VAC14: variants seen among roughly 807,000 people sequenced by gnomAD.
VAC14 encodes protein VAC14 homolog.
Under a neutral mutation model 85.3 loss-of-function variants are expected in VAC14, and 47 were observed. The ratio of observed to expected loss-of-function variants is 0.55; its 90% CI spans 0.44 to 0.70. VAC14 has a LOEUF of 0.70. VAC14 is among the 30% of genes least tolerant of loss of function. VAC14 has a pLI of 0.00. For missense variants in VAC14, 861 were observed against 1,004.3 expected (o/e 0.86, Z 1.93); for synonymous variants, 447 against 430.5 (o/e 1.04, Z -0.47).
chr16:70,727,571 C>G (rs901994755), intron 14 of VAC14, among the ~76,000 whole-genome samples: 1 of 152,210 alleles, frequency 6.6e-6, no homozygotes, highest in Middle Eastern at 3.2e-3. Flanking sequence ...AACTCCTGAC[C>G]TCGTGATCCG....
At chr16:70,707,901 C>T (rs2142994612) in intron 14 of VAC14, among the ~76,000 whole-genome samples, 1 of 152,116 alleles carries the variant, frequency 6.6e-6, no homozygotes, top group East Asian at 1.9e-4. Flanking sequence ...AGTGATTCTC[C>T]TGCCTCAGCC....
intron 12 of VAC14, among the ~76,000 whole-genome samples, chr16:70,759,287 G>C (rs1597954227): frequency 2.0e-5 from 3 of 152,228 alleles, no homozygotes; most frequent in African/African-American, 7.2e-5. Context: ...AGATCAATAA[G>C]AAAAGTGGAC....
At position 70,692,935 on chromosome 16, in the gene VAC14, G is replaced by C. The variant is rs1445261478; in HGVS notation, c.2072C>G (p.Pro691Arg). ...RLQLLDVKNN[P>R]YLIKALYGLL... ...GCCGTAGAGGGCCTTGATCAGGTAG[G>C]GGTTGTTCTTCACGTCCAGCAGCTG... Residue 691 changes from proline (P) to arginine (R), a missense_variant, in exon 18 of 19, where the codon CCC (proline) becomes CGC (arginine). By Grantham distance (103) the Pro-to-Arg change is moderately radical. This residue lies in a region of VAC14 where 163 missense variants were observed against 162.2 expected (regional missense o/e 1.00). Transcript: ENST00000261776. The C allele has an allele frequency of 6.2e-7, 1 of 1,611,470 alleles. No homozygotes were observed. The highest frequency in any genetic ancestry group is 8.5e-7 in the Non-Finnish European group (1 of 1,179,576).
At position 70,696,805 on chromosome 16, in the gene VAC14, G is replaced by A. The variant is rs188253465; in HGVS notation, c.1955+334C>T. 332 of 293,906 alleles carry A rather than the reference G, an allele frequency of 1.1e-3. 2 individuals are homozygous for A. Among genetic ancestry groups the A allele is most frequent in the Middle Eastern group, 3.7e-3 (3 of 814 alleles). The allele number at this position is 293,906 out of a possible 1,614,324, so 18.2% of individuals were successfully genotyped here. A position where few individuals can be genotyped will look rare whatever the true frequency, so the allele number is the denominator to read the frequency against. On this transcript the variant is annotated intron_variant, in intron 16 of 18. Transcript: ENST00000261776. ...GGCAGCCACCTTCTCCCAGGGGCAG[G>A]AGCTGGGGTTCTCTCCCACCCCAGC...
intron 14 of VAC14, among the ~76,000 whole-genome samples, chr16:70,731,124 C>T (rs911168968): frequency 6.6e-6 from 1 of 152,340 alleles, no homozygotes; most frequent in Non-Finnish European, 1.5e-5. Context: ...GGCTAAATCC[C>T]GCACTGGGGG....
chr16:70,800,049 T>C (rs2034704330), intron 1 of VAC14, among the ~76,000 whole-genome samples: 2 of 152,200 alleles, frequency 1.3e-5, no homozygotes. Context: ...CTTTCCAATT[T>C]TCTGAAATCA....
chr16:70,787,097 C>T (rs1000897488), intron 1 of VAC14, among the ~76,000 whole-genome samples: 5 of 152,164 alleles, frequency 3.3e-5, no homozygotes, highest in South Asian at 2.1e-4. Context: ...AAAGATGAGC[C>T]GGTGAAAGTT....
chr16:70,785,256 T>C (rs566189691), intron 3 of VAC14, among the ~76,000 whole-genome samples: 1 of 152,308 alleles, frequency 6.6e-6, no homozygotes, highest in Admixed American at 6.5e-5. Context: ...GGCAGCAGCA[T>C]TGCAGGGCTG....
intron 14 of VAC14, among the ~76,000 whole-genome samples, 161 bp from the exon 15 acceptor site, chr16:70,698,972 C>T (rs866097016): frequency 1.6e-5 from 2 of 125,274 alleles, no homozygotes; most frequent in Admixed American, 1.7e-4. Context: ...TGTGGGAGGG[C>T]GGGGAAGGGT....
intron 1 of VAC14, among the ~76,000 whole-genome samples, chr16:70,789,876 T>C (rs1167384262): frequency 6.6e-6 from 1 of 151,466 alleles, no homozygotes; most frequent in Non-Finnish European, 1.5e-5. Flanking sequence ...ACACTAGGAG[T>C]GGGAGTGGGG....
At chr16:70,733,393 G>A (rs1030445291) in intron 13 of VAC14, among the ~76,000 whole-genome samples, 3 of 151,696 alleles carry the variant, frequency 2.0e-5, no homozygotes, top group Non-Finnish European at 2.9e-5. Context: ...TCATCAGCTG[G>A]TATTTTCTCC....
chr16:70,704,013 G>T (rs1246697551), intron 14 of VAC14, among the ~76,000 whole-genome samples: 2 of 152,204 alleles, frequency 1.3e-5, no homozygotes, highest in Non-Finnish European at 2.9e-5. Flanking sequence ...GGGCTGGTGT[G>T]AGCCTTCGTG....
At chr16:70,734,275 A>T (rs1378499389) in intron 13 of VAC14, among the ~76,000 whole-genome samples, 2 of 152,128 alleles carry the variant, frequency 1.3e-5, no homozygotes, top group African/African-American at 4.8e-5. Flanking sequence ...AGTAGCTAGG[A>T]CTACAGGCTT....
At chr16:70,763,314 G>A (rs568896080) in intron 10 of VAC14, among the ~76,000 whole-genome samples, 37 of 152,322 alleles carry the variant, frequency 2.4e-4, no homozygotes, top group African/African-American at 8.4e-4. Flanking sequence ...TGGGGGATGA[G>A]GACCAGTCTG....
Position 70,772,246 on chromosome 16 carries a change from G to C in VAC14, c.1097-74C>G, listed in dbSNP as rs1002975529. 11 of 1,312,854 alleles carry C rather than the reference G, an allele frequency of 8.4e-6. No homozygotes were observed. The South Asian group carries it at 1.3e-4, about 16-fold the overall frequency. 81.3% of individuals were successfully genotyped at this position (1,312,854 alleles called of 1,614,324 possible). A position where few individuals can be genotyped will look rare whatever the true frequency, so the allele number is the denominator to read the frequency against. ...TGAATAAACAAGACCCCTGTGACAA[G>C]CACACACAGAACTCTCCAGAGCCCC... is the stretch of plus-strand genomic sequence containing the variant. On this transcript the variant is annotated intron_variant, in intron 9 of 18. Coordinates refer to ENST00000261776, the MANE Select transcript of VAC14 (RefSeq NM_018052.5).
chr16:70,689,045 GA>G, intron 18 of VAC14: 1 of 985,244 alleles, frequency 1.0e-6, no homozygotes. Flanking sequence ...TCAAGTTTAT[GA>G]AAAGATGCCA....
In VAC14 at chr16:70,729,978, C is replaced by A. The variant is rs369736806; in HGVS notation, c.1661+1517G>T. Among the ~76,000 whole-genome samples, 25 of 152,092 alleles carry A rather than the reference C, an allele frequency of 1.6e-4. No homozygotes were observed. The East Asian group carries it at 4.7e-3, about 28-fold the overall frequency. ...GTAATTCAAACTCAAACATGCACCC[C>A]CTCCTCACTCCCTGCCACTCTTCCG... On this transcript the variant is annotated intron_variant, in intron 14 of 18. Coordinates refer to ENST00000261776, the MANE Select transcript of VAC14 (RefSeq NM_018052.5).
intron 17 of VAC14, among the ~76,000 whole-genome samples, chr16:70,695,263 T>C (rs2053683436): frequency 6.6e-6 from 1 of 152,128 alleles, no homozygotes; most frequent in Non-Finnish European, 1.5e-5. Flanking sequence ...AGGCATGCAC[T>C]CTCATGCCTG....
chr16:70,708,341 T>G (rs1200812957), intron 14 of VAC14, among the ~76,000 whole-genome samples: 1 of 152,212 alleles, frequency 6.6e-6, no homozygotes, highest in Non-Finnish European at 1.5e-5. Flanking sequence ...AGATGAATGC[T>G]TGTAGGACAG....
Sources: allele counts gnomAD v4.1 joint callset (sites outside exome capture counted in the v4.1 genomes callset), GRCh38; gene constraint gnomAD v4.1.1; regional missense constraint gnomAD v4.1.1; transcripts MANE v1.5; gene names NCBI Gene and HGNC (gene_info 2026-07-23, HGNC 2026-07-21).